NRXN3: variants seen among roughly 807,000 people sequenced by gnomAD.
The protein encoded by NRXN3 is neurexin III.
Under a neutral mutation model 137.6 loss-of-function variants are expected in NRXN3, and 32 were observed. The observed-to-expected ratio is 0.23, with a 90% CI of 0.18 to 0.31. The LOEUF (loss-of-function observed/expected upper bound fraction) is 0.31, where lower values mean the gene tolerates loss of function less well. Among genes scored for constraint, NRXN3 ranks in the 10% least tolerant of loss-of-function variants. The pLI is 1.00. For missense variants in NRXN3, 1,574 were observed against 2,062.5 expected (o/e 0.76, Z 4.59); for synonymous variants, 798 against 784.5 (o/e 1.02, Z -0.29).
intron 4 of NRXN3, among the ~76,000 whole-genome samples, chr14:78,469,963 T>C (rs1477545068): frequency 6.6e-6 from 1 of 152,248 alleles, no homozygotes; most frequent in Non-Finnish European, 1.5e-5. Context: ...TAATGCCTTA[T>C]AAATATTTGC....
intron 3 of NRXN3, among the ~76,000 whole-genome samples, chr14:78,289,793 A>C (rs1337723820): frequency 6.6e-6 from 1 of 152,070 alleles, no homozygotes; most frequent in East Asian, 1.9e-4. Context: ...AGACACCTAT[A>C]ATCCCAGCCA....
chr14:78,925,226 C>T (rs952121906), intron 10 of NRXN3, among the ~76,000 whole-genome samples: 4 of 152,096 alleles, frequency 2.6e-5, no homozygotes, highest in African/African-American at 9.7e-5. Flanking sequence ...GTTAAGCAAC[C>T]TATAGAGTTT....
intron 15 of NRXN3, among the ~76,000 whole-genome samples, chr14:79,278,003 A>G (rs1386956505): frequency 6.6e-6 from 1 of 152,150 alleles, no homozygotes; most frequent in Non-Finnish European, 1.5e-5. Flanking sequence ...TTTTTGTTAG[A>G]GAGACATAAT....
At position 78,291,896 on chromosome 14, in the gene NRXN3, C is replaced by T. The variant is rs1418602262; in HGVS notation, c.728-5935C>T. ...GTCTTGGCAGAGATAACTTTTTTTT[C>T]GTCTTTTCTGAATCTTTTTCTTTTT... On this transcript the variant is annotated intron_variant, in intron 3 of 20. Coordinates refer to ENST00000335750, the MANE Select transcript of NRXN3 (RefSeq NM_001330195.2). 7.2e-5 allele frequency among the ~76,000 whole-genome samples: 11 copies of T among 151,982 alleles called. No individual in the cohort carries two copies. The South Asian group carries it at 1.7e-3, about 23-fold the overall frequency.
At chr14:79,370,393 A>T (rs1393085903) in intron 15 of NRXN3, among the ~76,000 whole-genome samples, 3 of 146,892 alleles carry the variant, frequency 2.0e-5, no homozygotes, top group Non-Finnish European at 4.4e-5. Flanking sequence ...ATCTTGGCTC[A>T]CTGCAACCTC....
intron 15 of NRXN3, among the ~76,000 whole-genome samples, chr14:79,335,965 TATC>T (rs1180168131): frequency 7.2e-5 from 11 of 152,136 alleles, no homozygotes; most frequent in Admixed American, 7.2e-4. Context: ...TTAGGGCAAA[TATC>T]ATAATATGCA....
intron 1 of NRXN3, among the ~76,000 whole-genome samples, chr14:78,200,035 A>G (rs1437751668): frequency 1.3e-5 from 2 of 152,150 alleles, no homozygotes; most frequent in East Asian, 3.8e-4. Context: ...CTCTCACCAG[A>G]TTGTGACAGC....
At chr14:78,819,194 G>C (rs533079759) in intron 10 of NRXN3, among the ~76,000 whole-genome samples, 2 of 152,088 alleles carry the variant, frequency 1.3e-5, no homozygotes, top group South Asian at 4.2e-4. Flanking sequence ...ACCTTTCCAA[G>C]ATTTCTTTAT....
intron 15 of NRXN3, among the ~76,000 whole-genome samples, chr14:79,185,321 A>T (rs2063392942): frequency 6.6e-6 from 1 of 152,166 alleles, no homozygotes; most frequent in Non-Finnish European, 1.5e-5. Context: ...ATTCATGACA[A>T]TTCAGAGATT....
At chr14:78,647,982 G>T (rs2097703406) in intron 5 of NRXN3, among the ~76,000 whole-genome samples, 1 of 152,150 alleles carries the variant, frequency 6.6e-6, no homozygotes, top group African/African-American at 2.4e-5. Flanking sequence ...AATTCATTGA[G>T]TAAAGTTTAC....
At chr14:78,364,640 G>A (rs536693017) in intron 4 of NRXN3, among the ~76,000 whole-genome samples, 1 of 152,284 alleles carries the variant, frequency 6.6e-6, no homozygotes, top group African/African-American at 2.4e-5. Flanking sequence ...ACTTTCATAT[G>A]TTCATTGGCC....
intron 16 of NRXN3, among the ~76,000 whole-genome samples, chr14:79,562,562 T>C (rs1219795878): frequency 6.6e-6 from 1 of 152,202 alleles, no homozygotes; most frequent in African/African-American, 2.4e-5. Context: ...TCCAAATTGC[T>C]ATCACTCTGC....
chr14:79,056,948 T>C (rs916748231), intron 15 of NRXN3, among the ~76,000 whole-genome samples: 7 of 152,246 alleles, frequency 4.6e-5, no homozygotes, highest in African/African-American at 1.7e-4. Flanking sequence ...GTGATGCTTC[T>C]AGTTAATATG....
Position 79,503,439 on chromosome 14 carries a change from C to A in NRXN3, c.3444+36037C>A, listed in dbSNP as rs113427837. ...CCTTCACGTACAGGGACCGCGTTAC[C>A]AAGTGAGCCAACTAGACTCTTTCAC... On this transcript the variant is annotated intron_variant, in intron 16 of 20. Transcript: ENST00000335750. Among the ~76,000 whole-genome samples the A allele has an allele frequency of 4.6e-5, 7 of 152,288 alleles. 2 individuals are homozygous for A. Among genetic ancestry groups the A allele is most frequent in the African/African-American group, 1.7e-4 (7 of 41,554 alleles).
chr14:78,418,323 G>A (rs1464219353), intron 4 of NRXN3, among the ~76,000 whole-genome samples: 4 of 152,110 alleles, frequency 2.6e-5, no homozygotes, highest in Non-Finnish European at 2.9e-5. Context: ...TGGTGGATTT[G>A]GGGCTGCCAA....
intron 15 of NRXN3, among the ~76,000 whole-genome samples, chr14:79,326,517 T>C (rs2090900826): frequency 6.6e-6 from 1 of 152,210 alleles, no homozygotes; most frequent in Non-Finnish European, 1.5e-5. Context: ...TCTCCCATCT[T>C]GTAGCCTACT....
intron 4 of NRXN3, among the ~76,000 whole-genome samples, chr14:78,331,447 G>A (rs556230589): frequency 1.4e-4 from 21 of 152,326 alleles, no homozygotes; most frequent in Admixed American, 8.5e-4. Flanking sequence ...GTTTGAAAAT[G>A]TTCCAAGATC....
intron 16 of NRXN3, among the ~76,000 whole-genome samples, chr14:79,597,040 G>T (rs1201874714): frequency 6.6e-6 from 1 of 152,168 alleles, no homozygotes; most frequent in Non-Finnish European, 1.5e-5. Context: ...GCAAAGGGAA[G>T]ATCCTCTTTC....
intron 16 of NRXN3, among the ~76,000 whole-genome samples, chr14:79,523,103 C>T: frequency 6.6e-6 from 1 of 152,142 alleles, no homozygotes; most frequent in East Asian, 1.9e-4. Context: ...AGATGAAAAA[C>T]ATACTCATTT....
Sources: gnomAD v4.1 joint callset for allele counts (sites outside exome capture counted in the v4.1 genomes callset) on GRCh38, gnomAD v4.1.1 for gene constraint, MANE v1.5 for transcripts, NCBI Gene and HGNC (gene_info 2026-07-23, HGNC 2026-07-21) for gene names.